DLG2: variants seen among roughly 807,000 people sequenced by gnomAD.
DLG2 encodes discs large MAGUK scaffold protein 2.
In DLG2, 45 loss-of-function variants were observed where a neutral mutation model predicts 132.5. That is an observed-to-expected ratio of 0.34 (90% CI 0.27 to 0.44). The LOEUF is 0.44. Ranked by LOEUF, DLG2 falls within the 20% of genes least tolerant of loss-of-function variation. The pLI is 1.00. For synonymous variants in DLG2, 424 were observed against 419.6 expected, an observed-to-expected ratio of 1.01 and a Z score of -0.13; for missense variants, 1,045 against 1,196.9, an observed-to-expected ratio of 0.87 and a Z score of 1.87.
intron 3 of DLG2, among the ~76,000 whole-genome samples, chr11:85,459,859 C>A (rs2092547780): frequency 6.6e-6 from 1 of 152,168 alleles, no homozygotes; most frequent in Non-Finnish European, 1.5e-5. Context: ...CTGAGAGGCC[C>A]TGCCTAGTAA....
At chr11:83,533,770 A>G (rs2095816745) in intron 20 of DLG2, among the ~76,000 whole-genome samples, 1 of 152,228 alleles carries the variant, frequency 6.6e-6, no homozygotes, top group Admixed American at 6.5e-5. Flanking sequence ...CAGACTCCTT[A>G]TAATGGGTAT....
At chr11:85,093,956 T>C (rs1447150747) in intron 6 of DLG2, among the ~76,000 whole-genome samples, 3 of 152,194 alleles carry the variant, frequency 2.0e-5, no homozygotes, top group Admixed American at 6.5e-5. Flanking sequence ...AATAACAAGG[T>C]ATAATAATAG....
chr11:83,846,418 C>T (rs2058613847), intron 16 of DLG2, among the ~76,000 whole-genome samples: 1 of 152,164 alleles, frequency 6.6e-6, no homozygotes. Flanking sequence ...GCAATAACTT[C>T]TATTTGTAAG....
At chr11:84,797,432 TCTGA>T (rs1202056855) in intron 6 of DLG2, among the ~76,000 whole-genome samples, 2 of 152,210 alleles carry the variant, frequency 1.3e-5, no homozygotes, top group Non-Finnish European at 2.9e-5. Context: ...GTTTGTTTCC[TCTGA>T]CTGTGAATTT....
chr11:85,228,156 G>T (rs2075085962), intron 4 of DLG2, among the ~76,000 whole-genome samples: 1 of 151,912 alleles, frequency 6.6e-6, no homozygotes, highest in African/African-American at 2.4e-5. Flanking sequence ...TCAATTCCCA[G>T]TTGTATCTTA....
At chr11:84,998,859 CA>C (rs758054100) in intron 6 of DLG2, among the ~76,000 whole-genome samples, 12 of 152,064 alleles carry the variant, frequency 7.9e-5, no homozygotes, top group Non-Finnish European at 1.5e-5. Flanking sequence ...GGGTATATAC[CA>C]GACATGCTAT....
intron 7 of DLG2, among the ~76,000 whole-genome samples, chr11:84,345,077 C>T (rs1217926347): frequency 1.3e-5 from 2 of 152,094 alleles, no homozygotes; most frequent in Admixed American, 1.3e-4. Context: ...GCTGAGGGTC[C>T]AATCGCATTA....
intron 7 of DLG2, among the ~76,000 whole-genome samples, chr11:84,458,384 A>C (rs1214708748): frequency 6.6e-6 from 1 of 150,904 alleles, no homozygotes; most frequent in African/African-American, 2.4e-5. Flanking sequence ...CCTGTTCAGA[A>C]GTATCCAAGT....
chr11:83,522,080 A>G (rs1278629145), intron 21 of DLG2, among the ~76,000 whole-genome samples: 1 of 152,194 alleles, frequency 6.6e-6, no homozygotes, highest in East Asian at 1.9e-4. Flanking sequence ...TGCCCATTGA[A>G]TGGAATACTC....
chr11:84,699,104 AAGTCTCTT>A (rs777691012), intron 6 of DLG2, among the ~76,000 whole-genome samples: 34 of 151,514 alleles, frequency 2.2e-4, no homozygotes, highest in Admixed American at 7.3e-4. Flanking sequence ...CAAAATCCCC[AAGTCTCTT>A]CAGACCTCAG....
chr11:83,918,488 G>C (rs148554934), intron 15 of DLG2, among the ~76,000 whole-genome samples: 2 of 152,276 alleles, frequency 1.3e-5, no homozygotes, highest in Non-Finnish European at 2.9e-5. Flanking sequence ...GAAAAGGTTT[G>C]TTGCTCCTGA....
chr11:83,850,506 G>T (rs549751319), intron 16 of DLG2, among the ~76,000 whole-genome samples: 3 of 152,198 alleles, frequency 2.0e-5, no homozygotes, highest in Non-Finnish European at 4.4e-5. Context: ...GAGAGATGGG[G>T]AGTGGGATAA....
rs1207595493 is a variant in DLG2 at position 83,853,775 on chromosome 11, C to T, written c.1566-20005G>A. 2.0e-5 allele frequency among the ~76,000 whole-genome samples: 3 copies of T among 152,012 alleles called. No homozygotes were observed. The East Asian group carries it at 5.8e-4, about 29-fold the overall frequency. On this transcript the variant is annotated intron_variant, in intron 16 of 27. Coordinates refer to ENST00000376104, the MANE Select transcript of DLG2 (RefSeq NM_001142699.3). ...CAAAATCCCTACAGCTAATATCATG[C>T]CTAATGGTAAAAAAAACTTGAAGCT...
chr11:83,566,890 T>G (rs77485812), intron 19 of DLG2, among the ~76,000 whole-genome samples: 1 of 152,166 alleles, frequency 6.6e-6, no homozygotes, highest in Admixed American at 6.6e-5. Context: ...AAATACTGTA[T>G]GCAAATTTCT....
chr11:83,770,255 G>GT lies in DLG2; in HGVS notation c.1825+16434dup, dbSNP rs143065797. ...TACCTTTTGTCTCGTGGTGTCTGGT[G>GT]TTTTTTTTTGTTTTTTTGCTTTTTG... is the stretch of plus-strand genomic sequence containing the variant. On this transcript the variant is annotated intron_variant, in intron 18 of 27. Transcript: ENST00000376104. Among the ~76,000 whole-genome samples the GT allele has an allele frequency of 3.5e-3, 389 of 109,906 alleles. 6 individuals carry two copies. Among genetic ancestry groups the GT allele is most frequent in the African/African-American group, 6.4e-3 (156 of 24,434 alleles). The allele number at this position is 109,906 out of a possible 152,430, so 72.1% of individuals were successfully genotyped here.
intron 6 of DLG2, among the ~76,000 whole-genome samples, chr11:84,986,153 T>C (rs2056463386): frequency 6.6e-6 from 1 of 151,878 alleles, no homozygotes; most frequent in African/African-American, 2.4e-5. Flanking sequence ...TTACAAAAGA[T>C]CATTCAAGGC....
At chr11:84,857,221 T>C (rs2082912839) in intron 6 of DLG2, among the ~76,000 whole-genome samples, 1 of 151,706 alleles carries the variant, frequency 6.6e-6, no homozygotes, top group Non-Finnish European at 1.5e-5. Flanking sequence ...AGAAGCAAAG[T>C]CGAAAAGAAA....
At chr11:84,724,578 A>G (rs192176681) in intron 6 of DLG2, among the ~76,000 whole-genome samples, 1 of 152,242 alleles carries the variant, frequency 6.6e-6, no homozygotes, top group East Asian at 1.9e-4. Flanking sequence ...TCTGCAAAAA[A>G]CCTTTTACCA....
chr11:84,042,682 G>T (rs1373728573), intron 11 of DLG2, among the ~76,000 whole-genome samples: 1 of 151,778 alleles, frequency 6.6e-6, no homozygotes, highest in Non-Finnish European at 1.5e-5. Context: ...GTAAATGTGT[G>T]CCATGGAATA....
Sources: allele counts gnomAD v4.1 joint callset (sites outside exome capture counted in the v4.1 genomes callset), GRCh38; gene constraint gnomAD v4.1.1; transcripts MANE v1.5; gene names NCBI Gene and HGNC (gene_info 2026-07-23, HGNC 2026-07-21).